KCNIP4: variants seen among roughly 807,000 people sequenced by gnomAD.
KCNIP4 encodes Kv channel-interacting protein 4.
In KCNIP4, 12 loss-of-function variants were observed where a neutral mutation model predicts 34.0. That is an observed-to-expected ratio of 0.35 (90% confidence interval 0.23 to 0.57). KCNIP4 has a LOEUF of 0.57. Among genes scored for constraint, KCNIP4 ranks in the 20% least tolerant of loss-of-function variants. The pLI is 0.83. For synonymous variants in KCNIP4, 124 were observed against 102.2 expected (o/e 1.21, Z -1.29); for missense variants, 238 against 311.7 (o/e 0.76, Z 1.78).
chr4:21,762,894 T>C, intron 1 of KCNIP4: 6 of 1,277,744 alleles, frequency 4.7e-6, no homozygotes, highest in Non-Finnish European at 6.1e-6. Flanking sequence ...GGGGTGTAGG[T>C]GGATGGAATT....
At chr4:21,483,566 G>A (rs1488274789) in intron 1 of KCNIP4, among the ~76,000 whole-genome samples, 1 of 151,996 alleles carries the variant, frequency 6.6e-6, no homozygotes, top group Non-Finnish European at 1.5e-5. Context: ...GAAGCAAGCA[G>A]ATCATGAGGT....
chr4:21,719,415 T>C (rs1050724906), intron 1 of KCNIP4, among the ~76,000 whole-genome samples: 1 of 152,144 alleles, frequency 6.6e-6, no homozygotes, highest in African/African-American at 2.4e-5. Context: ...GTTCTCCTGG[T>C]AAGAAGCTGG....
chr4:20,782,031 A>T (rs960272206), intron 3 of KCNIP4, among the ~76,000 whole-genome samples: 1 of 152,154 alleles, frequency 6.6e-6, no homozygotes, highest in Admixed American at 6.5e-5. Flanking sequence ...CAAAGGGGTC[A>T]CAGGGCCCTT....
intron 1 of KCNIP4, among the ~76,000 whole-genome samples, chr4:21,557,010 C>T (rs1446943426): frequency 6.7e-6 from 1 of 149,846 alleles, no homozygotes; most frequent in Admixed American, 6.7e-5. Flanking sequence ...AAAGAAAATG[C>T]TGAGTTAAAC....
chr4:21,477,794 T>C (rs66919123), intron 1 of KCNIP4, among the ~76,000 whole-genome samples: 29,221 of 152,106 alleles, frequency 0.19, 3,364 homozygotes, highest in African/African-American at 0.32. Flanking sequence ...TGGGGACTTA[T>C]TCTCCCAGCT....
At chr4:21,834,956 G>T (rs1157361557) in intron 1 of KCNIP4, among the ~76,000 whole-genome samples, 1 of 152,058 alleles carries the variant, frequency 6.6e-6, no homozygotes. Flanking sequence ...CTTGATCATG[G>T]TGGATAAGCT....
chr4:20,878,144 T>G (rs950872891), intron 2 of KCNIP4, among the ~76,000 whole-genome samples: 1 of 152,180 alleles, frequency 6.6e-6, no homozygotes, highest in Admixed American at 6.5e-5. Flanking sequence ...GGCATTTGTT[T>G]TGTTTCTATG....
intron 1 of KCNIP4, among the ~76,000 whole-genome samples, chr4:20,946,977 T>C (rs1005088354): frequency 6.6e-6 from 1 of 152,162 alleles, no homozygotes; most frequent in Admixed American, 6.5e-5. Context: ...GTATTTTTAG[T>C]ATACTGCATA....
chr4:21,223,806 T>G (rs1412079564), intron 1 of KCNIP4, among the ~76,000 whole-genome samples: 3 of 152,080 alleles, frequency 2.0e-5, no homozygotes, highest in African/African-American at 7.2e-5. Context: ...GTGTGTGTCT[T>G]TCTTGGTATC....
At chr4:21,053,893 T>C (rs1743155744) in intron 1 of KCNIP4, among the ~76,000 whole-genome samples, 1 of 152,172 alleles carries the variant, frequency 6.6e-6, no homozygotes, top group Non-Finnish European at 1.5e-5. Flanking sequence ...ATCCCATGCT[T>C]ATGGATAGGA....
chr4:20,946,706 C>T (rs1732226758), intron 1 of KCNIP4, among the ~76,000 whole-genome samples: 1 of 152,120 alleles, frequency 6.6e-6, no homozygotes, highest in Admixed American at 6.6e-5. Flanking sequence ...GTGTCAGGCA[C>T]CGTGTCTTAG....
intron 2 of KCNIP4, among the ~76,000 whole-genome samples, chr4:20,855,450 T>C (rs1173779195): frequency 6.6e-6 from 1 of 152,130 alleles, no homozygotes; most frequent in Non-Finnish European, 1.5e-5. Flanking sequence ...AGGACCCCAA[T>C]CCCTTGTCCC....
At chr4:20,928,121 A>C (rs1344426815) in intron 1 of KCNIP4, among the ~76,000 whole-genome samples, 1 of 152,110 alleles carries the variant, frequency 6.6e-6, no homozygotes, top group Non-Finnish European at 1.5e-5. Flanking sequence ...TCAGAGTATG[A>C]AAAATATATG....
chr4:21,572,192 G>T (rs756945831), intron 1 of KCNIP4, among the ~76,000 whole-genome samples: 1 of 152,126 alleles, frequency 6.6e-6, no homozygotes, highest in African/African-American at 2.4e-5. Flanking sequence ...AAAAGAGACT[G>T]CTACTTGTCA....
chr4:20,918,546 G>T (rs185012245), intron 1 of KCNIP4, among the ~76,000 whole-genome samples: 216 of 152,096 alleles, frequency 1.4e-3, no homozygotes, highest in African/African-American at 5.0e-3. Context: ...AACTCTCCAT[G>T]GTTCTCCTTG....
At chr4:20,810,651 C>T (rs1015656205) in intron 3 of KCNIP4, among the ~76,000 whole-genome samples, 1 of 152,040 alleles carries the variant, frequency 6.6e-6, no homozygotes, top group African/African-American at 2.4e-5. Context: ...CATTTTATTC[C>T]ATATACATGG....
intron 3 of KCNIP4, among the ~76,000 whole-genome samples, chr4:20,821,243 G>A (rs369083582): frequency 8.5e-5 from 13 of 152,304 alleles, no homozygotes; most frequent in East Asian, 5.8e-4. Flanking sequence ...GGTGAATGTC[G>A]TTTGCCTTGT....
intron 1 of KCNIP4, among the ~76,000 whole-genome samples, chr4:21,910,105 A>G (rs1728221091): frequency 6.6e-6 from 1 of 152,092 alleles, no homozygotes; most frequent in African/African-American, 2.4e-5. Flanking sequence ...GAGGGCACAG[A>G]GCTCATAAGG....
intron 1 of KCNIP4, among the ~76,000 whole-genome samples, chr4:21,055,916 G>C (rs1743358035): frequency 6.6e-6 from 1 of 152,146 alleles, no homozygotes; most frequent in Non-Finnish European, 1.5e-5. Context: ...AATATCTAGA[G>C]TGAACCCTCA....
Sources: allele counts gnomAD v4.1 joint callset (sites outside exome capture counted in the v4.1 genomes callset), GRCh38; gene constraint gnomAD v4.1.1; transcripts MANE v1.5; gene names NCBI Gene and HGNC (gene_info 2026-07-23, HGNC 2026-07-21).